Variants in SART3 observed in about 807,000 individuals in gnomAD.
SART3 encodes HIV-1 Tat-interacting protein of 110kDa.
Under a neutral mutation model 122.3 loss-of-function variants are expected in SART3, and 44 were observed. The observed-to-expected ratio is 0.36, with a 90% CI of 0.28 to 0.46. The LOEUF is 0.46. Ranked by LOEUF, SART3 falls within the 20% of genes least tolerant of loss-of-function variation. The pLI is 1.00. For missense variants in SART3, 1,101 were observed against 1,229.0 expected, an observed-to-expected ratio of 0.90 and a Z score of 1.56; for synonymous variants, 442 against 454.0, an observed-to-expected ratio of 0.97 and a Z score of 0.34.
At position 108,535,485 on chromosome 12, in the gene SART3, G is replaced by C. The variant is rs776642522; in HGVS notation, c.1447-17C>G. The C allele has an allele frequency of 6.2e-7, 1 of 1,605,976 alleles. No homozygotes were observed. The highest frequency in any genetic ancestry group is 1.1e-5 in the South Asian group (1 of 90,922). On this transcript the variant is annotated splice_polypyrimidine_tract_variant and intron_variant, in intron 11 of 18. Coordinates refer to ENST00000546815, the MANE Select transcript of SART3 (RefSeq NM_014706.4). ...CAGTCGAGCCTAAAGTGCATCAGCA[G>C]GCTGTTAGGAGACCTGAACCTTATG...
chr12:108,539,581 A>G (rs752250222), intron 6 of SART3, among the ~76,000 whole-genome samples: 2 of 152,254 alleles, frequency 1.3e-5, no homozygotes, highest in Non-Finnish European at 2.9e-5. Flanking sequence ...CTGAATGTTT[A>G]ATGATCCAAA....
chr12:108,531,114 A>T (rs1255901125), intron 14 of SART3, 90 bp downstream of exon 14: 1 of 968,520 alleles, frequency 1.0e-6, no homozygotes, highest in Non-Finnish European at 1.7e-6. Flanking sequence ...ACACTTAGGA[A>T]AATGTAAAAC....
intron 15 of SART3, 39 bp downstream of exon 15, chr12:108,530,103 T>C (rs1478155104): frequency 6.2e-6 from 10 of 1,612,070 alleles, no homozygotes; most frequent in Non-Finnish European, 8.5e-6. Flanking sequence ...TCTCTAACTT[T>C]AAGACGTTTC....
chr12:108,542,709 C>G, intron 6 of SART3: 1 of 405,480 alleles, frequency 2.5e-6, no homozygotes, highest in South Asian at 2.0e-5. Context: ...ACTTTCATAG[C>G]TTGTAAAACT....
rs914089420 is a variant in SART3 at position 108,535,023 on chromosome 12, T to G, written c.1556+336A>C. Among the ~76,000 whole-genome samples the G allele has an allele frequency of 3.9e-5, 6 of 152,010 alleles. No homozygotes were observed. The East Asian group carries it at 5.8e-4, about 15-fold the overall frequency. On this transcript the variant is annotated intron_variant, in intron 12 of 18. Coordinates refer to ENST00000546815, the MANE Select transcript of SART3 (RefSeq NM_014706.4). ...GTTATGACTGGGTCAGTAATTTGAG[T>G]TTTTTTTCTCTTAGCTTTTTAGTAT...
At chr12:108,552,541 AC>A (rs2030052113) in intron 1 of SART3, among the ~76,000 whole-genome samples, 3 of 139,666 alleles carry the variant, frequency 2.1e-5, no homozygotes, top group African/African-American at 5.5e-5. Flanking sequence ...ACATACAAAA[AC>A]AAAAAAAAAA....
chr12:108,555,781 C>T (rs968312), intron 1 of SART3, among the ~76,000 whole-genome samples: 82,707 of 152,050 alleles, frequency 0.54, 24,271 homozygotes, highest in Non-Finnish European at 0.66. Context: ...AAATTCAATG[C>T]AATTCAAATA....
In SART3 at chr12:108,531,460, T is replaced by C; in HGVS notation, c.1670-180A>G. On this transcript the variant is annotated intron_variant, in intron 13 of 18. Transcript: ENST00000546815. ...ATAGTCCTTCTAAGTGGGTTTAAAA[T>C]GTCCCTCTCCTTTCAGGAGAGACTT... is the stretch of plus-strand genomic sequence containing the variant. 6.7e-6 allele frequency: 4 copies of C among 599,854 alleles called. No homozygotes were observed. The South Asian group carries it at 7.7e-5, about 12-fold the overall frequency. 37.2% of individuals were successfully genotyped at this position (599,854 alleles called of 1,614,324 possible).
Position 108,526,396 on chromosome 12 carries a change from G to A in SART3, c.2073C>T (p.Asp691=), listed in dbSNP as rs116326373. ...TGCTGTCGTGCAGCACCTTGGGCAT[G>A]TCCCTCTTCAGGGAGGCTGCCTTCT... The part of the protein sequence containing the change: ...QKEKAASLKR[D]MPKVLHDSSK... Residue 691 remains aspartate, a synonymous_variant, in exon 16 of 19, where the codon GAC becomes GAT. Transcript: ENST00000546815. 4.2e-3 allele frequency: 6,802 copies of A among 1,614,098 alleles called. 52 individuals carry two copies. Among genetic ancestry groups the A allele is most frequent in the Middle Eastern group, 0.019 (115 of 6,062 alleles).
At chr12:108,560,230 A>T (rs1432910208) in intron 1 of SART3, 1 of 152,858 alleles carries the variant, frequency 6.5e-6, no homozygotes, top group Non-Finnish European at 1.5e-5. Flanking sequence ...CTGTTACAAC[A>T]ATTATATTAT....
intron 18 of SART3, 193 bp downstream of exon 18, chr12:108,524,123 T>C: frequency 1.6e-6 from 1 of 635,240 alleles, no homozygotes; most frequent in South Asian, 1.8e-5. Context: ...CAGGCAGAGG[T>C]CACTGCCTAG....
intron 6 of SART3, among the ~76,000 whole-genome samples, chr12:108,541,580 G>C (rs1469295135): frequency 2.0e-5 from 3 of 152,000 alleles, no homozygotes; most frequent in African/African-American, 4.8e-5. Context: ...TGTTGCCCAG[G>C]CTGGATGGAG....
intron 13 of SART3, 144 bp from the exon 14 acceptor site, chr12:108,531,424 T>C (rs1739696296): frequency 2.9e-6 from 2 of 684,706 alleles, no homozygotes; most frequent in Admixed American, 4.6e-5. Flanking sequence ...GGCTTGAAGT[T>C]CAGAATTCAA....
intron 5 of SART3, 54 bp from the exon 6 acceptor site, chr12:108,543,206 C>T: frequency 6.2e-7 from 1 of 1,604,286 alleles, no homozygotes; most frequent in Non-Finnish European, 8.5e-7. Context: ...TTTATCAACC[C>T]AAACACAGAT....
At chr12:108,534,904 A>G (rs1300568107) in intron 12 of SART3, among the ~76,000 whole-genome samples, 1 of 152,230 alleles carries the variant, frequency 6.6e-6, no homozygotes, top group Non-Finnish European at 1.5e-5. Flanking sequence ...ATTTCGTTCA[A>G]ATAGTTTTAA....
chr12:108,536,774 C>A lies in SART3; in HGVS notation c.1321G>T (p.Glu441Ter). The change falls in exon 10 of 19, where the codon GAG (glutamate) becomes TAG (stop). Residue 441 changes from glutamate (E) to a stop codon, truncating the protein, a stop_gained. Coordinates refer to ENST00000546815, the MANE Select transcript of SART3 (RefSeq NM_014706.4). LOFTEE classifies it high-confidence loss of function. The stretch of plus-strand genomic sequence containing the variant: ...AAGGCGGCCCTCAACTCCTCCAGCT[C>A]TTTACTGGAGTCTAACGGAAAGTGC... Reference protein sequence around the residue: ...RVDFKQDSSKELEELRAAFTR... With the variant: ...RVDFKQDSSK 6.2e-7 allele frequency: 1 copy of A among 1,613,756 alleles called. No homozygotes were observed. Among genetic ancestry groups the A allele is most frequent in the Non-Finnish European group, 8.5e-7 (1 of 1,179,782 alleles).
intron 12 of SART3, among the ~76,000 whole-genome samples, chr12:108,532,807 G>GC (rs1872739942): frequency 6.6e-6 from 1 of 151,714 alleles, no homozygotes; most frequent in South Asian, 2.1e-4. Context: ...AGGTGGGAGT[G>GC]CAATAGCACG....
chr12:108,541,598 G>A (rs1242476219), intron 6 of SART3, among the ~76,000 whole-genome samples: 13 of 152,044 alleles, frequency 8.6e-5, no homozygotes, highest in Admixed American at 8.5e-4. Flanking sequence ...GAGTGCAGTG[G>A]TGCGATCTCG....
intron 6 of SART3, 96 bp downstream of exon 6, chr12:108,542,932 A>T: frequency 6.7e-7 from 1 of 1,500,276 alleles, no homozygotes; most frequent in Admixed American, 1.7e-5. Flanking sequence ...TATATATTTC[A>T]GAATAAAACA....
Sources: allele counts gnomAD v4.1 joint callset (sites outside exome capture counted in the v4.1 genomes callset), GRCh38; gene constraint gnomAD v4.1.1; transcripts MANE v1.5; gene names NCBI Gene and HGNC (gene_info 2026-07-23, HGNC 2026-07-21).